The following CCDC102B variants were observed in gnomAD, a reference collection of about 807,000 sequenced individuals.
CCDC102B encodes coiled-coil domain containing 102B.
Under a neutral mutation model 57.4 loss-of-function variants are expected in CCDC102B, and 75 were observed. The ratio of observed to expected loss-of-function variants is 1.31; its 90% CI spans 1.08 to 1.58. CCDC102B has a LOEUF of 1.58. Among genes scored for constraint, CCDC102B ranks in the 40% most tolerant of loss-of-function variants. The pLI, the probability that CCDC102B is intolerant of heterozygous loss-of-function variation, is 0.00. For synonymous variants in CCDC102B, 206 were observed against 201.9 expected, an observed-to-expected ratio of 1.02 and a Z score of -0.17; for missense variants, 636 against 582.6, an observed-to-expected ratio of 1.09 and a Z score of -0.94.
chr18:69,019,677 A>G (rs749227197), intron 7 of CCDC102B, among the ~76,000 whole-genome samples: 7 of 152,024 alleles, frequency 4.6e-5, no homozygotes, highest in Non-Finnish European at 1.0e-4. Flanking sequence ...AAAAACAGAG[A>G]TACACTTACT....
intron 7 of CCDC102B, among the ~76,000 whole-genome samples, chr18:69,039,519 T>C (rs796235291): frequency 1.9e-4 from 29 of 152,052 alleles, no homozygotes; most frequent in African/African-American, 6.7e-4. Flanking sequence ...TGAGATATTA[T>C]TATATTGATA....
intron 2 of CCDC102B, chr18:68,753,556 CT>C (rs2033941659): frequency 6.6e-6 from 1 of 152,438 alleles, no homozygotes; most frequent in Non-Finnish European, 1.5e-5. Flanking sequence ...CCTCTCTCTC[CT>C]CTCTCTCTCT....
intron 1 of CCDC102B, among the ~76,000 whole-genome samples, chr18:68,801,924 T>C (rs80171848): frequency 1.5e-3 from 230 of 152,310 alleles, no homozygotes; most frequent in African/African-American, 5.4e-3. Flanking sequence ...TTAGTCAGCC[T>C]ATATTCATGA....
At chr18:68,764,683 T>G (rs1487364249) in intron 2 of CCDC102B, among the ~76,000 whole-genome samples, 4 of 152,170 alleles carry the variant, frequency 2.6e-5, no homozygotes, top group African/African-American at 9.6e-5. Context: ...AATGTTAGCA[T>G]TAAATTTATT....
intron 7 of CCDC102B, among the ~76,000 whole-genome samples, chr18:69,040,339 G>A (rs1224594044): frequency 6.6e-6 from 1 of 150,654 alleles, no homozygotes; most frequent in African/African-American, 2.4e-5. Context: ...AATCCTTGAG[G>A]CACATTAAAC....
intron 1 of CCDC102B, among the ~76,000 whole-genome samples, chr18:68,834,113 A>G (rs565379074): frequency 7.9e-5 from 12 of 152,128 alleles, no homozygotes; most frequent in Admixed American, 3.3e-4. Flanking sequence ...ATACTCTCCA[A>G]GTTCAAGGAC....
At chr18:68,815,319 A>G (rs754803766) in intron 1 of CCDC102B, among the ~76,000 whole-genome samples, 1 of 152,212 alleles carries the variant, frequency 6.6e-6, no homozygotes, top group Non-Finnish European at 1.5e-5. Context: ...GGATGGAATA[A>G]CATCACTTGT....
chr18:68,899,810 A>G (rs1399545224), intron 6 of CCDC102B: 1 of 152,104 alleles, frequency 6.6e-6, no homozygotes, highest in African/African-American at 2.4e-5. Context: ...TTTTATTTCA[A>G]TGGTATAGAG....
chr18:68,743,474 T>C (rs1479307824), intron 2 of CCDC102B, among the ~76,000 whole-genome samples: 1 of 152,202 alleles, frequency 6.6e-6, no homozygotes, highest in Non-Finnish European at 1.5e-5. Context: ...TTGAGATCTC[T>C]GAAGCTTAGA....
At chr18:68,935,435 G>A (rs556944430) in intron 6 of CCDC102B, among the ~76,000 whole-genome samples, 87 of 151,950 alleles carry the variant, frequency 5.7e-4, no homozygotes, top group African/African-American at 1.8e-3. Flanking sequence ...AGGATTAAGA[G>A]GTGTTTGTGT....
At chr18:68,839,045 T>C (rs1329814679) in intron 3 of CCDC102B, 119 bp downstream of exon 3, 1 of 866,606 alleles carries the variant, frequency 1.2e-6, no homozygotes, top group Non-Finnish European at 1.8e-6. Flanking sequence ...CATTAAGTTT[T>C]AGGATTTAAA....
intron 6 of CCDC102B, among the ~76,000 whole-genome samples, chr18:68,979,830 T>G (rs561219851): frequency 6.6e-6 from 1 of 152,128 alleles, no homozygotes; most frequent in Non-Finnish European, 1.5e-5. Context: ...TCATTTATGA[T>G]AGTGGCTAAA....
intron 2 of CCDC102B, among the ~76,000 whole-genome samples, chr18:68,769,202 G>A (rs567811693): frequency 6.8e-4 from 101 of 148,664 alleles, no homozygotes; most frequent in African/African-American, 2.0e-3. Flanking sequence ...GCGGTGAGCC[G>A]AAATCGTGCC....
chr18:68,979,720 T>C (rs764547502), intron 6 of CCDC102B, among the ~76,000 whole-genome samples: 9 of 152,172 alleles, frequency 5.9e-5, no homozygotes, highest in Middle Eastern at 3.4e-3. Context: ...CATGGAGTCA[T>C]AATTATATTA....
chr18:68,715,481 A>G (rs1384166588), intron 1 of CCDC102B: 3 of 158,002 alleles, frequency 1.9e-5, no homozygotes, highest in Non-Finnish European at 2.8e-5. Context: ...AGAGGCGCGC[A>G]TTAAGACTGC....
intron 2 of CCDC102B, among the ~76,000 whole-genome samples, chr18:68,741,523 G>A (rs146650701): frequency 0.014 from 2,182 of 152,226 alleles, 44 homozygotes; most frequent in African/African-American, 0.05. Flanking sequence ...GGATAGAGTT[G>A]TGCTACAAAT....
At chr18:68,952,828 G>A (rs1257420756) in intron 6 of CCDC102B, among the ~76,000 whole-genome samples, 2 of 152,104 alleles carry the variant, frequency 1.3e-5, no homozygotes, top group African/African-American at 2.4e-5. Context: ...AACCATTTTG[G>A]AAGAAAATTT....
intron 7 of CCDC102B, chr18:69,011,359 C>T (rs955449010): frequency 1.1e-4 from 35 of 320,734 alleles, no homozygotes; most frequent in East Asian, 9.4e-4. Context: ...TGTGCACGTG[C>T]GCATGTGTGT....
At chr18:68,963,355 A>C (rs1415578673) in intron 6 of CCDC102B, among the ~76,000 whole-genome samples, 1 of 152,002 alleles carries the variant, frequency 6.6e-6, no homozygotes, top group Non-Finnish European at 1.5e-5. Flanking sequence ...ATTTAAAGTT[A>C]GTAAGAAAAA....
Sources: allele counts gnomAD v4.1 joint callset (sites outside exome capture counted in the v4.1 genomes callset), GRCh38; gene constraint gnomAD v4.1.1; transcripts MANE v1.5; gene names NCBI Gene and HGNC (gene_info 2026-07-23, HGNC 2026-07-21).